ST6GALNAC5: variants seen among roughly 807,000 people sequenced by gnomAD.
ST6GALNAC5 encodes the protein ST6 N-acetylgalactosaminide alpha-2,6-sialyltransferase 5, also known as alpha-N-acetylgalactosaminide alpha-2,6-sialyltransferase 5.
In ST6GALNAC5, 27 loss-of-function variants were observed where a neutral mutation model predicts 33.6. That is an observed-to-expected ratio of 0.80 (90% CI 0.59 to 1.11). ST6GALNAC5 has a LOEUF of 1.11. ST6GALNAC5 is among the 50% of genes least tolerant of loss of function. The pLI is 0.00. For synonymous variants in ST6GALNAC5, 194 were observed against 171.2 expected, an observed-to-expected ratio of 1.13 and a Z score of -1.04; for missense variants, 428 against 454.0, an observed-to-expected ratio of 0.94 and a Z score of 0.52.
chr1:77,024,838 A>G (rs1651174870), intron 2 of ST6GALNAC5, among the ~76,000 whole-genome samples: 1 of 152,328 alleles, frequency 6.6e-6, no homozygotes, highest in East Asian at 1.9e-4. Context: ...ACAGAGCACC[A>G]GAATCCCCAG....
intron 2 of ST6GALNAC5, among the ~76,000 whole-genome samples, chr1:76,986,918 C>T (rs1172096311): frequency 6.6e-6 from 1 of 152,096 alleles, no homozygotes; most frequent in Non-Finnish European, 1.5e-5. Flanking sequence ...ATCCCAAGGA[C>T]AGAAATCCAA....
chr1:77,003,408 T>A (rs1650256742), intron 2 of ST6GALNAC5, among the ~76,000 whole-genome samples: 1 of 150,340 alleles, frequency 6.7e-6, no homozygotes, highest in East Asian at 2.0e-4. Context: ...ATGGGTTTCC[T>A]GAATACAGCA....
chr1:76,988,173 T>C (rs1557750044), intron 2 of ST6GALNAC5, among the ~76,000 whole-genome samples: 1 of 152,152 alleles, frequency 6.6e-6, no homozygotes. Flanking sequence ...GCTGAGACTT[T>C]CCTGTGCATT....
chr1:77,026,492 G>A (rs897706956), intron 2 of ST6GALNAC5, among the ~76,000 whole-genome samples: 3 of 151,934 alleles, frequency 2.0e-5, no homozygotes, highest in Non-Finnish European at 4.4e-5. Context: ...GGCTTGTGGA[G>A]GTGTCATTGA....
intron 2 of ST6GALNAC5, among the ~76,000 whole-genome samples, chr1:76,881,377 A>G (rs1653775894): frequency 6.6e-6 from 1 of 152,236 alleles, no homozygotes; most frequent in East Asian, 1.9e-4. Context: ...AGGAATGCAT[A>G]GTCTCAGCAT....
At chr1:76,958,809 C>T (rs1648110826) in intron 2 of ST6GALNAC5, among the ~76,000 whole-genome samples, 1 of 152,076 alleles carries the variant, frequency 6.6e-6, no homozygotes, top group South Asian at 2.1e-4. Flanking sequence ...ACCATCTAGG[C>T]TCCAAGGGCA....
intron 2 of ST6GALNAC5, among the ~76,000 whole-genome samples, chr1:77,026,044 C>T (rs914225836): frequency 1.3e-5 from 2 of 152,240 alleles, no homozygotes; most frequent in Non-Finnish European, 2.9e-5. Context: ...AAGTTCTAAC[C>T]TGAATTCTAG....
chr1:76,881,380 C>T (rs1489694720), intron 2 of ST6GALNAC5, among the ~76,000 whole-genome samples: 1 of 152,196 alleles, frequency 6.6e-6, no homozygotes, highest in Non-Finnish European at 1.5e-5. Flanking sequence ...AATGCATAGT[C>T]TCAGCATAGA....
intron 2 of ST6GALNAC5, among the ~76,000 whole-genome samples, chr1:76,990,678 T>C (rs1649689146): frequency 6.6e-6 from 1 of 152,096 alleles, no homozygotes; most frequent in Non-Finnish European, 1.5e-5. Context: ...GATGGAAAAA[T>C]GGATCACTGA....
chr1:77,043,196 ATTTTC>A (rs1651890611), intron 2 of ST6GALNAC5, among the ~76,000 whole-genome samples: 1 of 152,228 alleles, frequency 6.6e-6, no homozygotes, highest in African/African-American at 2.4e-5. Flanking sequence ...ACATCTTGTT[ATTTTC>A]TTGTACATTT....
chr1:76,972,926 C>T (rs567814646), intron 2 of ST6GALNAC5, among the ~76,000 whole-genome samples: 2 of 152,128 alleles, frequency 1.3e-5, no homozygotes, highest in East Asian at 3.9e-4. Context: ...ATCATATTTT[C>T]ATAAGTTTAA....
chr1:76,991,311 G>C (rs76066779), intron 2 of ST6GALNAC5, among the ~76,000 whole-genome samples: 2,448 of 152,184 alleles, frequency 0.016, 67 homozygotes, highest in African/African-American at 0.056. Context: ...TTATTCTAAA[G>C]AAAACATTAA....
intron 2 of ST6GALNAC5, among the ~76,000 whole-genome samples, chr1:76,960,140 C>T (rs1168485338): frequency 1.3e-5 from 2 of 151,986 alleles, no homozygotes; most frequent in Non-Finnish European, 2.9e-5. Context: ...TGAAATTCAC[C>T]CCCGATATTT....
At chr1:76,916,696 C>T (rs1181399375) in intron 2 of ST6GALNAC5, among the ~76,000 whole-genome samples, 1 of 151,236 alleles carries the variant, frequency 6.6e-6, no homozygotes, top group Non-Finnish European at 1.5e-5. Flanking sequence ...GTGTCATAAG[C>T]CTTTTAAAAA....
At chr1:76,877,019 A>G (rs1410392816) in intron 2 of ST6GALNAC5, among the ~76,000 whole-genome samples, 1 of 152,168 alleles carries the variant, frequency 6.6e-6, no homozygotes, top group East Asian at 1.9e-4. Flanking sequence ...CCATTTGATG[A>G]TGGGATGTTG....
chr1:76,975,908 A>C (rs943240905), intron 2 of ST6GALNAC5, among the ~76,000 whole-genome samples: 7 of 152,160 alleles, frequency 4.6e-5, no homozygotes, highest in African/African-American at 1.7e-4. Flanking sequence ...CAGCCTGGGC[A>C]ACATGGTGAA....
chr1:76,969,342 A>G (rs547827435), intron 2 of ST6GALNAC5, among the ~76,000 whole-genome samples: 2 of 152,256 alleles, frequency 1.3e-5, no homozygotes, highest in East Asian at 1.9e-4. Flanking sequence ...TGCTTTTCCA[A>G]TGGTCTTAGC....
chr1:77,030,276 T>G (rs1651404438), intron 2 of ST6GALNAC5, among the ~76,000 whole-genome samples: 1 of 152,230 alleles, frequency 6.6e-6, no homozygotes, highest in South Asian at 2.1e-4. Context: ...CAGGCACACA[T>G]GTGGGAGTGG....
intron 2 of ST6GALNAC5, among the ~76,000 whole-genome samples, chr1:76,894,378 C>T (rs561808125): frequency 8.5e-5 from 13 of 152,134 alleles, no homozygotes; most frequent in African/African-American, 2.9e-4. Context: ...GCAATGTTTG[C>T]GAGCCTGAAG....
Sources: gnomAD v4.1 joint callset for allele counts (sites outside exome capture counted in the v4.1 genomes callset) on GRCh38, gnomAD v4.1.1 for gene constraint, MANE v1.5 for transcripts, NCBI Gene and HGNC (gene_info 2026-07-23, HGNC 2026-07-21) for gene names.